The following IL1R1 variants were observed in gnomAD, a reference collection of about 807,000 sequenced individuals.
IL1R1 encodes the protein interleukin 1 receptor type 1, also known as interleukin-1 receptor type 1.
In IL1R1, 22 loss-of-function variants were observed where a neutral mutation model predicts 50.2. The observed-to-expected ratio is 0.44, with a 90% CI of 0.31 to 0.63. The LOEUF is 0.63. Among genes scored for constraint, IL1R1 ranks in the 20% least tolerant of loss-of-function variants. The pLI, the probability that IL1R1 is intolerant of heterozygous loss-of-function variation, is 0.07. For synonymous variants in IL1R1, 251 were observed against 236.7 expected (o/e 1.06, Z -0.55); for missense variants, 509 against 676.2 (o/e 0.75, Z 2.74).
chr2:102,126,896 G>T (rs924077152), intron 1 of IL1R1, among the ~76,000 whole-genome samples: 1 of 152,192 alleles, frequency 6.6e-6, no homozygotes, highest in African/African-American at 2.4e-5. Context: ...TGGCTGTCCA[G>T]CCTGGGTTTT....
intron 1 of IL1R1, among the ~76,000 whole-genome samples, chr2:102,071,269 A>G (rs1354355562): frequency 2.0e-5 from 3 of 152,196 alleles, no homozygotes; most frequent in Non-Finnish European, 4.4e-5. Context: ...TTTATATCAA[A>G]TTTATATCTC....
At chr2:102,136,039 G>C (rs2104426415) in intron 1 of IL1R1, among the ~76,000 whole-genome samples, 1 of 152,170 alleles carries the variant, frequency 6.6e-6, no homozygotes, top group Non-Finnish European at 1.5e-5. Context: ...TCCAGTTCTG[G>C]GTCCTAAGTC....
At chr2:102,135,674 T>C (rs1228633016) in intron 1 of IL1R1, among the ~76,000 whole-genome samples, 1 of 152,158 alleles carries the variant, frequency 6.6e-6, no homozygotes, top group Non-Finnish European at 1.5e-5. Flanking sequence ...ATTGTCCATT[T>C]TGGATGAAGA....
intron 1 of IL1R1, among the ~76,000 whole-genome samples, chr2:102,128,887 G>A (rs1681872430): frequency 6.6e-6 from 1 of 152,116 alleles, no homozygotes; most frequent in Non-Finnish European, 1.5e-5. Context: ...AACTTCTCTA[G>A]GATGTCTGTT....
Position 102,174,716 on chromosome 2 carries a change from T to G in IL1R1, c.1121T>G (p.Phe374Cys). The G allele has an allele frequency of 6.2e-7, 1 of 1,607,998 alleles. No individual in the cohort carries two copies. The highest frequency in any genetic ancestry group is 8.5e-7 in the Non-Finnish European group (1 of 1,178,248). ...VLWYRDSCYD[F>C]LPIKASDGKT... ...TGGTACAGGGATTCCTGCTATGATT[T>G]TCTCCCAATAAAAGGTATAATTTTG... Residue 374 changes from phenylalanine (F) to cysteine (C), a missense_variant, in exon 10 of 12, where the codon TTT becomes TGT. Phe to Cys is a radical substitution (Grantham distance 205, BLOSUM62 -2). Coordinates refer to ENST00000410023, the MANE Select transcript of IL1R1 (RefSeq NM_000877.4).
At chr2:102,165,703 A>G (rs180735259) in intron 5 of IL1R1, among the ~76,000 whole-genome samples, 306 of 152,308 alleles carry the variant, frequency 2.0e-3, no homozygotes, top group Middle Eastern at 0.014. Context: ...CTAGCTTTCC[A>G]TGGAACACCC....
At chr2:102,091,620 C>G (rs750624542) in intron 1 of IL1R1, among the ~76,000 whole-genome samples, 1 of 152,112 alleles carries the variant, frequency 6.6e-6, no homozygotes, top group Non-Finnish European at 1.5e-5. Flanking sequence ...CATTTTTATA[C>G]GTTGGGAATA....
chr2:102,134,958 A>C (rs1020347018), intron 1 of IL1R1, among the ~76,000 whole-genome samples: 1 of 152,146 alleles, frequency 6.6e-6, no homozygotes, highest in Non-Finnish European at 1.5e-5. Context: ...CATTATTTTC[A>C]TGCCCAGATT....
intron 1 of IL1R1, among the ~76,000 whole-genome samples, chr2:102,108,098 ATTATTGTTGTTAC>A: frequency 2.0e-5 from 3 of 152,284 alleles, no homozygotes; most frequent in Admixed American, 2.0e-4. Flanking sequence ...TGGTATTATT[ATTATTGTTGTTAC>A]TCTAAAGTTT....
rs1278216709 is a variant in IL1R1, at chr2:102,106,393, T to A, written c.-84+1521T>A. On this transcript the variant is annotated intron_variant, in intron 1 of 10. Transcript: ENST00000409329. ...AATTTGATCTGCCTAATGGTAGTGA[T>A]GAGTTTAAAAAGATTCTTATGGCCT... 3.9e-5 allele frequency among the ~76,000 whole-genome samples: 6 copies of A among 152,192 alleles called. No homozygotes were observed. In the South Asian group the frequency reaches 1.2e-3, roughly 31 times the overall value.
intron 1 of IL1R1, among the ~76,000 whole-genome samples, chr2:102,121,438 C>T (rs893902228): frequency 1.3e-5 from 2 of 152,214 alleles, no homozygotes; most frequent in Non-Finnish European, 2.9e-5. Context: ...CCAGGCTGCT[C>T]CTCCACCAGC....
Position 102,176,457 on chromosome 2 carries a change from G to A in IL1R1, c.1408G>A (p.Glu470Lys). 1 of 1,614,190 alleles carries A rather than the reference G, an allele frequency of 6.2e-7. No individual in the cohort carries two copies. ...GFSWLGGSSEEQIAMYNALVQ... is the reference protein window; with the variant it reads ...GFSWLGGSSEKQIAMYNALVQ... ...CAGCTGGCTGGGTGGTTCATCTGAA[G>A]AGCAAATAGCCATGTATAATGCTCT... Residue 470 changes from glutamate to lysine, a missense_variant, in exon 12 of 12, where the codon GAG becomes AAG. By Grantham distance (56) the Glu-to-Lys change is moderately conservative. Coordinates refer to ENST00000410023, the MANE Select transcript of IL1R1 (RefSeq NM_000877.4).
At chr2:102,120,331 T>C (rs1033732323) in intron 1 of IL1R1, among the ~76,000 whole-genome samples, 2 of 152,068 alleles carry the variant, frequency 1.3e-5, no homozygotes. Context: ...TGTACGTGTT[T>C]GTTGTGTGTG....
intron 1 of IL1R1, among the ~76,000 whole-genome samples, chr2:102,083,564 G>A (rs1577802455): frequency 1.3e-5 from 2 of 152,246 alleles, no homozygotes; most frequent in South Asian, 2.1e-4. Context: ...GACACCTGAT[G>A]ACACACTTAG....
chr2:102,140,039 T>G (rs1682557122), upstream of IL1R1, among the ~76,000 whole-genome samples: 1 of 152,210 alleles, frequency 6.6e-6, no homozygotes, highest in Admixed American at 6.5e-5. Context: ...CCTTCCCACC[T>G]GCTGGTCAAC....
intron 1 of IL1R1, among the ~76,000 whole-genome samples, chr2:102,145,357 G>A (rs1327294471): frequency 1.3e-5 from 2 of 152,158 alleles, no homozygotes; most frequent in African/African-American, 4.8e-5. Context: ...TCCAGGAAAT[G>A]CTGCTGGAGC....
intron 1 of IL1R1, among the ~76,000 whole-genome samples, chr2:102,088,611 G>A (rs1679530172): frequency 6.6e-6 from 1 of 152,182 alleles, no homozygotes; most frequent in Non-Finnish European, 1.5e-5. Context: ...AGCTTTATTA[G>A]CTCCTAATAA....
rs560399409 is a variant in IL1R1 at position 102,074,490 on chromosome 2, C to G, written c.-84+3957C>G. 3.4e-3 allele frequency among the ~76,000 whole-genome samples: 521 copies of G among 152,288 alleles called. 6 individuals carry two copies. The highest frequency in any genetic ancestry group is 0.012 in the African/African-American group (493 of 41,552). The stretch of plus-strand genomic sequence containing the variant: ...CTATTCCTTACATGGTAGTTTGGGG[C>G]TCCTAAAAGTGCAGACATGGAAGCT... On this transcript the variant is annotated intron_variant, in intron 1 of 11. Coordinates refer to the IL1R1 transcript ENST00000409929.
intron 8 of IL1R1, chr2:102,172,292 C>T (rs562135608): frequency 4.1e-6 from 4 of 985,142 alleles, no homozygotes; most frequent in Non-Finnish European, 4.8e-6. Context: ...TACTGGTTTC[C>T]TACTGCTCAT....
Sources: gnomAD v4.1 joint callset for allele counts (sites outside exome capture counted in the v4.1 genomes callset) on GRCh38, gnomAD v4.1.1 for gene constraint, MANE v1.5 for transcripts, NCBI Gene and HGNC (gene_info 2026-07-23, HGNC 2026-07-21) for gene names.